The following C14orf39 variants were observed in gnomAD, a reference collection of about 807,000 sequenced individuals.
C14orf39 encodes the protein chromosome 14 open reading frame 39.
Under a neutral mutation model 85.6 loss-of-function variants are expected in C14orf39, and 66 were observed. That is an observed-to-expected ratio of 0.77 (90% CI 0.63 to 0.95). C14orf39 has a LOEUF of 0.95. C14orf39 is among the 40% of genes least tolerant of loss of function. The pLI is 0.00. For synonymous variants in C14orf39, 242 were observed against 214.0 expected (o/e 1.13, Z -1.14); for missense variants, 735 against 663.9 (o/e 1.11, Z -1.18).
chr14:60,483,812 A>T lies in C14orf39; in HGVS notation c.112T>A (p.Cys38Ser). Residue 38 changes from cysteine to serine, a missense_variant, in exon 4 of 18, where the codon TGT (cysteine) becomes AGT (serine). Transcript: ENST00000321731. ...EEMIQRINKCCEDIKENKVTI... is the reference protein window; with the variant it reads ...EEMIQRINKCSEDIKENKVTI... ...ACTTTGTTTTCCTTAATATCTTCAC[A>T]GCATTCTACAAAGAGAAAATGTTTA... 6.7e-7 allele frequency: 1 copy of T among 1,492,424 alleles called. No homozygotes were observed. The highest frequency in any genetic ancestry group is 9.2e-7 in the Non-Finnish European group (1 of 1,084,016). The allele number at this position is 1,492,424 out of a possible 1,614,324, so 92.4% of individuals were successfully genotyped here.
chr14:60,504,441 T>G (rs959245270), intron 1 of C14orf39, among the ~76,000 whole-genome samples: 3 of 152,236 alleles, frequency 2.0e-5, no homozygotes, highest in African/African-American at 7.2e-5. Context: ...CATCATTGAA[T>G]TTTAAGTTTC....
At chr14:60,485,144 T>A in intron 1 of C14orf39, 58 bp from the exon 2 acceptor site, 1 of 1,406,058 alleles carries the variant, frequency 7.1e-7, no homozygotes, top group Admixed American at 2.0e-5. Flanking sequence ...CAAAACAGGA[T>A]ATATTTCGTA....
rs1190349034 is a variant in C14orf39 at position 60,491,324 on chromosome 14, G to C, written c.-8-6238C>G. Among the ~76,000 whole-genome samples the C allele has an allele frequency of 6.6e-6, 1 of 152,036 alleles. No individual in the cohort carries two copies. Among genetic ancestry groups the C allele is most frequent in the East Asian group, 1.9e-4 (1 of 5,188 alleles). Reference sequence around the variant, plus strand: ...GAGGACAAATGCTATGTCCCAACATGGTGAAGAGGACAAAGTCTTTCCCTC... The same window carrying C: ...GAGGACAAATGCTATGTCCCAACATCGTGAAGAGGACAAAGTCTTTCCCTC... On this transcript the variant is annotated intron_variant, in intron 2 of 5. Coordinates refer to the C14orf39 transcript ENST00000556799. The surrounding 1 kb of genome is among the most constrained non-coding windows in gnomAD (Gnocchi z 4.5).
rs779611709 is a variant in C14orf39 at position 60,442,071 on chromosome 14, T to C, written c.1561+3A>G. The C allele has an allele frequency of 5.0e-6, 8 of 1,607,618 alleles. No individual in the cohort carries two copies. The Admixed American group carries it at 1.0e-4, about 20-fold the overall frequency. ...TAAAGGTAGCAAACTTCAAACAACT[T>C]ACCAATCTCTTGCTCTGATGACAGA... On this transcript the variant is annotated splice_donor_region_variant and intron_variant, in intron 17 of 17. Coordinates refer to ENST00000321731, the MANE Select transcript of C14orf39 (RefSeq NM_174978.3).
chr14:60,505,669 AATTACCGC>A (rs1286513109), intron 1 of C14orf39, among the ~76,000 whole-genome samples: 1 of 152,230 alleles, frequency 6.6e-6, no homozygotes, highest in Non-Finnish European at 1.5e-5. Context: ...AGATGGATTC[AATTACCGC>A]ATTCTTAAAA....
chr14:60,444,110 T>C (rs1356444454), intron 16 of C14orf39, among the ~76,000 whole-genome samples: 2 of 152,122 alleles, frequency 1.3e-5, no homozygotes, highest in Non-Finnish European at 2.9e-5. Context: ...GCAGAAAAGC[T>C]GAAAATTCAA....
chr14:60,494,009 G>A (rs911941739), intron 2 of C14orf39: 2 of 197,826 alleles, frequency 1.0e-5, no homozygotes, highest in East Asian at 2.6e-4. Flanking sequence ...ACAATGAAAA[G>A]AGGGACACTG....
chr14:60,471,473 T>C lies in C14orf39; in HGVS notation c.512-14A>G, dbSNP rs1892072667. 6.3e-7 allele frequency: 1 copy of C among 1,596,804 alleles called. No individual in the cohort carries two copies. The highest frequency in any genetic ancestry group is 1.1e-5 in the South Asian group (1 of 88,664). On this transcript the variant is annotated splice_polypyrimidine_tract_variant and intron_variant, in intron 6 of 17. Coordinates refer to ENST00000321731, the MANE Select transcript of C14orf39 (RefSeq NM_174978.3). ...AGGGAGCAGGCACTGAAAAATAAAG[T>C]CACAGCATAAGCTGATTATTATATT...
In C14orf39 at chr14:60,436,962, T is replaced by C. The variant is rs767918357; in HGVS notation, c.1647A>G (p.Gly549=). Residue 549 remains glycine, a synonymous_variant, in exon 18 of 18, where the codon GGA becomes GGG. Transcript: ENST00000321731. The stretch of plus-strand genomic sequence containing the variant: ...AAAATGGAAAACTAAAATCATCTTT[T>C]CCAGCTCCAAATGTATGAGTTGAAG... ...SDTSTHTFGA[G]KDDFSFPFSF... 6.2e-7 allele frequency: 1 copy of C among 1,613,064 alleles called. No homozygotes were observed. The highest frequency in any genetic ancestry group is 1.3e-5 in the African/African-American group (1 of 75,006).
chr14:60,509,706 G>A (rs1237413105), intron 1 of C14orf39: 13 of 1,614,044 alleles, frequency 8.1e-6, no homozygotes, highest in Non-Finnish European at 1.1e-5. Context: ...GAGAAGCTGC[G>A]TGGAAGACCC....
intron 16 of C14orf39, among the ~76,000 whole-genome samples, chr14:60,445,365 A>T (rs1890714297): frequency 6.6e-6 from 1 of 152,206 alleles, no homozygotes; most frequent in Admixed American, 6.5e-5. Context: ...AAAGAGATGG[A>T]GGAAGATATA....
intron 16 of C14orf39, among the ~76,000 whole-genome samples, chr14:60,448,961 T>A (rs1185571443): frequency 2.0e-5 from 3 of 151,982 alleles, no homozygotes; most frequent in Non-Finnish European, 4.4e-5. Flanking sequence ...CCGCATGTTC[T>A]CACTCATAGG....
At chr14:60,480,425 T>C (rs1196893791) in intron 4 of C14orf39, among the ~76,000 whole-genome samples, 2 of 151,882 alleles carry the variant, frequency 1.3e-5, no homozygotes, top group African/African-American at 4.8e-5. Context: ...TGAAACTCCA[T>C]CTCAAAAAAT....
At chr14:60,473,760 G>A (rs8022977) in intron 5 of C14orf39, among the ~76,000 whole-genome samples, 132,682 of 152,164 alleles carry the variant, frequency 0.87, 58,339 homozygotes, top group Non-Finnish European at 0.92. Flanking sequence ...CCATTGGTCT[G>A]TATCTCTCTT....
In C14orf39 at chr14:60,466,973, T is replaced by C; in HGVS notation, c.839A>G (p.Glu280Gly). Residue 280 changes from glutamate (E) to glycine (G), a missense_variant, in exon 10 of 18, where the codon GAA becomes GGA. Physicochemically the swap from Glu to Gly is moderately conservative, Grantham distance 98. Coordinates refer to ENST00000321731, the MANE Select transcript of C14orf39 (RefSeq NM_174978.3). ...TATTGGTCTTACTAATTTCTGAGATTCATAAGGAAGAAATAATTGACTGCT... is the reference window on the plus strand; with the variant it reads ...TATTGGTCTTACTAATTTCTGAGATCCATAAGGAAGAAATAATTGACTGCT... ...TQSSQLFLPY[E>G]SQKLVRPIKM... 6.8e-7 allele frequency: 1 copy of C among 1,462,500 alleles called. No individual in the cohort carries two copies. The highest frequency in any genetic ancestry group is 9.1e-7 in the Non-Finnish European group (1 of 1,102,778). 90.6% of individuals were successfully genotyped at this position (1,462,500 alleles called of 1,614,324 possible). A position where few individuals can be genotyped will look rare whatever the true frequency, so the allele number is the denominator to read the frequency against.
chr14:60,482,252 C>G (rs1892675937), intron 4 of C14orf39, among the ~76,000 whole-genome samples: 1 of 152,124 alleles, frequency 6.6e-6, no homozygotes, highest in Non-Finnish European at 1.5e-5. Flanking sequence ...CCCAATGCAG[C>G]TAATTGAGGA....
At position 60,503,217 on chromosome 14, in the gene C14orf39, C is replaced by A. The variant is rs115861000; in HGVS notation, c.-143-3787G>T. 3.6e-3 allele frequency among the ~76,000 whole-genome samples: 541 copies of A among 152,284 alleles called. 4 individuals are homozygous for A. The highest frequency in any genetic ancestry group is 0.012 in the African/African-American group (499 of 41,562). Reference sequence around the variant, plus strand: ...TAACACCAGACTCCACCAGTTTCCACCCCCGCTCAAAAAACAACAAAAATC... The same window carrying A: ...TAACACCAGACTCCACCAGTTTCCAACCCCGCTCAAAAAACAACAAAAATC... On this transcript the variant is annotated intron_variant, in intron 1 of 5. Coordinates refer to the C14orf39 transcript ENST00000556799.
chr14:60,443,761 T>A (rs986889111), intron 16 of C14orf39, among the ~76,000 whole-genome samples: 20 of 152,250 alleles, frequency 1.3e-4, no homozygotes, highest in African/African-American at 3.6e-4. Context: ...CTGGGAGACA[T>A]CTCCCAGTAG....
At chr14:60,443,508 A>C (rs576388016) in intron 16 of C14orf39, among the ~76,000 whole-genome samples, 1 of 152,294 alleles carries the variant, frequency 6.6e-6, no homozygotes, top group South Asian at 2.1e-4. Flanking sequence ...GTAGGTAAAC[A>C]AAGCAGCCAG....
Sources: gnomAD v4.1 joint callset for allele counts (sites outside exome capture counted in the v4.1 genomes callset) on GRCh38, gnomAD v4.1.1 for gene constraint, Gnocchi (gnomAD v3.1) non-coding constraint, MANE v1.5 for transcripts, NCBI Gene and HGNC (gene_info 2026-07-23, HGNC 2026-07-21) for gene names.